The following CYP26B1 variants were observed in gnomAD, a reference collection of about 807,000 sequenced individuals.
CYP26B1 encodes cytochrome P450 family 26 subfamily B member 1.
CYP26B1 carries 8 observed loss-of-function variants against 39.1 expected under a neutral mutation model. The observed-to-expected ratio is 0.20, with a 90% CI of 0.12 to 0.37. CYP26B1 has a LOEUF of 0.37. Ranked by LOEUF, CYP26B1 falls within the 10% of genes least tolerant of loss-of-function variation. The pLI is 1.00. For synonymous variants in CYP26B1, 321 were observed against 314.3 expected, an observed-to-expected ratio of 1.02 and a Z score of -0.23; for missense variants, 615 against 707.0, an observed-to-expected ratio of 0.87 and a Z score of 1.48.
intron 1 of CYP26B1, among the ~76,000 whole-genome samples, chr2:72,144,978 C>G (rs1677077656): frequency 6.6e-6 from 1 of 152,128 alleles, no homozygotes; most frequent in Non-Finnish European, 1.5e-5. Context: ...CTGGCGGAGC[C>G]GGCCGGGCGC....
At chr2:72,136,178 C>T (rs1676769012) in intron 2 of CYP26B1, among the ~76,000 whole-genome samples, 1 of 152,166 alleles carries the variant, frequency 6.6e-6, no homozygotes, top group Admixed American at 6.5e-5. Flanking sequence ...GCCTGTGGGT[C>T]TCGCTCATAA....
intron 3 of CYP26B1, 83 bp from the exon 4 acceptor site, chr2:72,134,999 C>G: frequency 6.2e-7 from 1 of 1,602,950 alleles, no homozygotes; most frequent in Admixed American, 1.7e-5. Context: ...CTCCAGCCTC[C>G]TCCTACCCCA....
At position 72,135,149 on chromosome 2, in the gene CYP26B1, G is replaced by A. The variant is rs1057421828; in HGVS notation, c.700C>T (p.Arg234Trp). Residue 234 changes from arginine (R) to tryptophan (W), a missense_variant, in exon 3 of 6, where the codon CGG (arginine) becomes TGG (tryptophan). Coordinates refer to ENST00000001146, the MANE Select transcript of CYP26B1 (RefSeq NM_019885.4). Reference sequence around the variant, plus strand: ...CCCAGGCCCTGGGTGCTCACCCGCCGGTAGCCACTGAAGGGCAGGTCGACA... The same window carrying A: ...CCCAGGCCCTGGGTGCTCACCCGCCAGTAGCCACTGAAGGGCAGGTCGACA... Reference protein sequence around the residue: ...LPVDLPFSGYRRGIQARQILQ... With the variant: ...LPVDLPFSGYWRGIQARQILQ... 4 of 1,613,464 alleles carry A rather than the reference G, an allele frequency of 2.5e-6. No homozygotes were observed. The highest frequency in any genetic ancestry group is 2.2e-5 in the East Asian group (1 of 44,878).
In CYP26B1 at chr2:72,144,222, G is replaced by A. The variant is rs201654487; in HGVS notation, c.205-9C>T. 54 of 1,579,914 alleles carry A rather than the reference G, an allele frequency of 3.4e-5. No homozygotes were observed. In the East Asian group the frequency reaches 1.2e-3, roughly 35 times the overall value. On this transcript the variant is annotated splice_polypyrimidine_tract_variant and intron_variant, in intron 1 of 5. Transcript: ENST00000001146. Reference sequence around the variant, plus strand: ...GACTGGAAGCCAGAACCCTGCGGGAGCCACACCCGGGTCTCTCTCAGGGTG... The same window carrying A: ...GACTGGAAGCCAGAACCCTGCGGGAACCACACCCGGGTCTCTCTCAGGGTG...
In CYP26B1 at chr2:72,144,053, C is replaced by A; in HGVS notation, c.365G>T (p.Arg122Leu). ...CACCGTGTTGGGGCCCAGCAACATGCGGGTGCTGCGAGGCCACTCGGTGCT... is the reference window on the plus strand; with the variant it reads ...CACCGTGTTGGGGCCCAGCAACATGAGGGTGCTGCGAGGCCACTCGGTGCT... Reference protein sequence around the residue: ...LVSTEWPRSTRMLLGPNTVSN... With the variant: ...LVSTEWPRSTLMLLGPNTVSN... The change falls in exon 2 of 6, where the codon CGC (arginine) becomes CTC (leucine). Residue 122 changes from arginine (R) to leucine (L), a missense_variant. Physicochemically the swap from Arg to Leu is moderately radical, Grantham distance 102. Coordinates refer to ENST00000001146, the MANE Select transcript of CYP26B1 (RefSeq NM_019885.4). 1 of 1,613,822 alleles carries A rather than the reference C, an allele frequency of 6.2e-7. No individual in the cohort carries two copies.
chr2:72,144,378 G>A lies in CYP26B1; in HGVS notation c.205-165C>T, dbSNP rs776084803. The A allele has an allele frequency of 2.2e-5, 31 of 1,435,216 alleles. No homozygotes were observed. In the African/African-American group the frequency reaches 3.4e-4, roughly 16 times the overall value. The allele number at this position is 1,435,216 out of a possible 1,614,324, so 88.9% of individuals were successfully genotyped here. A position where few individuals can be genotyped will look rare whatever the true frequency, so the allele number is the denominator to read the frequency against. ...GTTTTATTTTTCATAGCGTGCACAA[G>A]AACTGCGAAGTAGGGCCTAGAGGAT... On this transcript the variant is annotated intron_variant, in intron 1 of 5. Transcript: ENST00000001146.
At chr2:72,134,694 C>T in intron 4 of CYP26B1, 67 bp downstream of exon 4, 1 of 1,562,396 alleles carries the variant, frequency 6.4e-7, no homozygotes, top group Non-Finnish European at 8.7e-7. Context: ...CACATTTCCA[C>T]CCAGGGAAAG....
At chr2:72,144,456 T>G (rs559732831) in intron 1 of CYP26B1, 4 of 1,315,070 alleles carry the variant, frequency 3.0e-6, no homozygotes, top group Non-Finnish European at 3.9e-6. Flanking sequence ...GAGGCTGTTT[T>G]TTGGTAATGA....
chr2:72,143,854 G>T, intron 2 of CYP26B1, 135 bp downstream of exon 2: 1 of 1,095,490 alleles, frequency 9.1e-7, no homozygotes, highest in Non-Finnish European at 1.4e-6. Context: ...CTTGTCGGCG[G>T]GGAACTGCGG....
chr2:72,144,543 C>G lies in CYP26B1; in HGVS notation c.205-330G>C, dbSNP rs182188968. Reference sequence around the variant, plus strand: ...CCGCCCCCACCCCCACCCCCACACCCCCACCCCGCGCTCGGGAGCCTCTCG... The same window carrying G: ...CCGCCCCCACCCCCACCCCCACACCGCCACCCCGCGCTCGGGAGCCTCTCG... On this transcript the variant is annotated intron_variant, in intron 1 of 5. Transcript: ENST00000001146. The G allele has an allele frequency of 0.038, 41,875 of 1,109,902 alleles. 884 individuals are homozygous for G. Among genetic ancestry groups the G allele is most frequent in the Non-Finnish European group, 0.042 (38,245 of 904,414 alleles). 68.8% of individuals were successfully genotyped at this position (1,109,902 alleles called of 1,614,324 possible).
intron 1 of CYP26B1, chr2:72,144,471 C>G (rs1227821075): frequency 1.6e-6 from 2 of 1,288,066 alleles, no homozygotes; most frequent in South Asian, 2.7e-5. Flanking sequence ...TAATGACTTT[C>G]GAGAGGAAAG....
In CYP26B1 at chr2:72,132,459, C is replaced by A; in HGVS notation, c.1307G>T (p.Gly436Val). The A allele has an allele frequency of 6.2e-7, 1 of 1,613,366 alleles. No homozygotes were observed. Among genetic ancestry groups the A allele is most frequent in the Non-Finnish European group, 8.5e-7 (1 of 1,179,728 alleles). Reference sequence around the variant, plus strand: ...CTTGCCCAGGCAGGTCCGGACACCGCCACCGAACGGGAGGTAATGGAAGCG... The same window carrying A: ...CTTGCCCAGGCAGGTCCGGACACCGACACCGAACGGGAGGTAATGGAAGCG... ...DGRFHYLPFG[G>V]GVRTCLGKHL... The change falls in exon 6 of 6, where the codon GGC (glycine) becomes GTC (valine). Residue 436 changes from glycine (G) to valine (V), a missense_variant. Physicochemically the swap from Gly to Val is moderately radical, Grantham distance 109 (BLOSUM62 -3). Coordinates refer to ENST00000001146, the MANE Select transcript of CYP26B1 (RefSeq NM_019885.4).
Position 72,147,025 on chromosome 2 carries a change from C to T in CYP26B1, c.204+606G>A, listed in dbSNP as rs1309554283. ...ACCCTTTTCCCCGAAAGCCTAGAGC[C>T]CTGGATTCTCATTTTTCCTTGGGTT... is the stretch of plus-strand genomic sequence containing the variant. On this transcript the variant is annotated intron_variant, in intron 1 of 5. Transcript: ENST00000001146. This position sits in a 1 kb window ranked among gnomAD's most constrained non-coding sequence, Gnocchi z 6.1. Among the ~76,000 whole-genome samples the T allele has an allele frequency of 6.6e-6, 1 of 152,216 alleles. No homozygotes were observed. Among genetic ancestry groups the T allele is most frequent in the Non-Finnish European group, 1.5e-5 (1 of 68,042 alleles).
rs1261527097 is a variant in CYP26B1 at position 72,132,959 on chromosome 2, G to A, written c.1146+64C>T. ...TCCCTGAAATGGAGGCTGGTGCCCCGCCTTGCCCCTATCCCGGTGCCCCTG... is the reference window on the plus strand; with the variant it reads ...TCCCTGAAATGGAGGCTGGTGCCCCACCTTGCCCCTATCCCGGTGCCCCTG... On this transcript the variant is annotated intron_variant, in intron 5 of 5. Coordinates refer to ENST00000001146, the MANE Select transcript of CYP26B1 (RefSeq NM_019885.4). 6.8e-6 allele frequency: 11 copies of A among 1,607,458 alleles called. 1 individual carries two copies. Among genetic ancestry groups the A allele is most frequent in the South Asian group, 5.5e-5 (5 of 90,628 alleles).
intron 5 of CYP26B1, 144 bp downstream of exon 5, chr2:72,132,879 C>T: frequency 7.0e-7 from 1 of 1,422,780 alleles, no homozygotes; most frequent in Non-Finnish European, 9.6e-7. Flanking sequence ...CGCACTTCTC[C>T]CATCGGACTG....
In CYP26B1 at chr2:72,147,647, C is replaced by G. The variant is rs373873010; in HGVS notation, c.188G>C (p.Gly63Ala). ...CGCCCTTACCTGCAGCAGCCAGTGG[C>G]CGGTCTCTCCGATGAGCGGGAAGCC... The part of the protein sequence containing the change: ...SMGFPLIGET[G>A]HWLLQGSGFQ... Residue 63 changes from glycine (G) to alanine (A), a missense_variant, in exon 1 of 6, where the codon GGC (glycine) becomes GCC (alanine). Transcript: ENST00000001146. The surrounding 1 kb of genome is among the most constrained non-coding windows in gnomAD (Gnocchi z 6.1). 2 of 1,609,538 alleles carry G rather than the reference C, an allele frequency of 1.2e-6. No homozygotes were observed. Among genetic ancestry groups the G allele is most frequent in the Admixed American group, 1.7e-5 (1 of 59,852 alleles).
intron 4 of CYP26B1, among the ~76,000 whole-genome samples, chr2:72,133,766 G>A (rs1245578546): frequency 6.6e-6 from 1 of 152,210 alleles, no homozygotes; most frequent in Non-Finnish European, 1.5e-5. Flanking sequence ...TCCATCGCAG[G>A]AGGAGGACAT....
intron 4 of CYP26B1, among the ~76,000 whole-genome samples, chr2:72,134,293 G>A (rs1028841987): frequency 2.8e-5 from 4 of 143,970 alleles, no homozygotes; most frequent in African/African-American, 7.6e-5. Flanking sequence ...GAGCACAGCC[G>A]GGATCCCCAG....
intron 2 of CYP26B1, among the ~76,000 whole-genome samples, chr2:72,140,020 C>T (rs988042034): frequency 9.2e-5 from 14 of 152,212 alleles, no homozygotes; most frequent in Non-Finnish European, 2.1e-4. Context: ...TTAGGGAACC[C>T]AGGACAGATA....
Sources: allele counts gnomAD v4.1 joint callset (sites outside exome capture counted in the v4.1 genomes callset), GRCh38; gene constraint gnomAD v4.1.1; non-coding constraint Gnocchi (gnomAD v3.1); transcripts MANE v1.5; gene names NCBI Gene and HGNC (gene_info 2026-07-23, HGNC 2026-07-21).